The following SOS1 variants were observed in gnomAD, a reference collection of about 807,000 sequenced individuals.
SOS1 encodes son of sevenless homolog 1.
In SOS1, 25 loss-of-function variants were observed where a neutral mutation model predicts 157.6. The observed-to-expected ratio is 0.16, with a 90% CI of 0.12 to 0.22. The LOEUF is 0.22. Among genes scored for constraint, SOS1 ranks in the 10% least tolerant of loss-of-function variants. SOS1 has a pLI of 1.00. For synonymous variants in SOS1, 528 were observed against 534.0 expected, an observed-to-expected ratio of 0.99 and a Z score of 0.16; for missense variants, 1,237 against 1,599.1, an observed-to-expected ratio of 0.77 and a Z score of 3.86.
At chr2:39,055,462 G>A (rs1018361372) in intron 4 of SOS1, among the ~76,000 whole-genome samples, 3 of 151,984 alleles carry the variant, frequency 2.0e-5, no homozygotes, top group African/African-American at 2.4e-5. Context: ...TCCTCTCTGT[G>A]TAAACATGTA....
At chr2:39,091,621 C>T (rs1672600205) in intron 1 of SOS1, among the ~76,000 whole-genome samples, 1 of 151,848 alleles carries the variant, frequency 6.6e-6, no homozygotes, top group South Asian at 2.1e-4. Context: ...CTTGTCCTCA[C>T]ATCCCCCAGT....
chr2:39,112,225 C>T (rs536629621), intron 1 of SOS1, among the ~76,000 whole-genome samples: 410 of 152,276 alleles, frequency 2.7e-3, no homozygotes, highest in Non-Finnish European at 4.6e-3. Flanking sequence ...TCTTCTCTCC[C>T]GGCTTACCTG....
At chr2:38,999,242 T>TA (rs1342782823) in intron 17 of SOS1, among the ~76,000 whole-genome samples, 1 of 152,204 alleles carries the variant, frequency 6.6e-6, no homozygotes, top group Non-Finnish European at 1.5e-5. Flanking sequence ...AAGGCATACT[T>TA]AGAGATAATT....
At chr2:38,992,616 T>G (rs2124469792) in intron 20 of SOS1, 1 of 152,324 alleles carries the variant, frequency 6.6e-6, no homozygotes, top group Non-Finnish European at 1.5e-5. Context: ...TATCTCCTGT[T>G]TTTTCCACCA....
At chr2:39,081,761 G>A (rs1672208744) in intron 1 of SOS1, among the ~76,000 whole-genome samples, 1 of 151,608 alleles carries the variant, frequency 6.6e-6, no homozygotes, top group Non-Finnish European at 1.5e-5. Context: ...GGAGGCAGAG[G>A]TTGCAATTAG....
In SOS1 at chr2:39,046,899, T is replaced by C. The variant is rs142358858; in HGVS notation, c.864+4245A>G. 6.4e-3 allele frequency among the ~76,000 whole-genome samples: 971 copies of C among 152,370 alleles called. 6 individuals carry two copies. The highest frequency in any genetic ancestry group is 9.3e-3 in the Non-Finnish European group (636 of 68,028). On this transcript the variant is annotated intron_variant, in intron 6 of 22. Coordinates refer to ENST00000402219, the MANE Select transcript of SOS1 (RefSeq NM_005633.4). ...AAAGAACACCATCCAATGCATCTTA[T>C]AATGAGTGTCTACAAGTAGTAAACG...
intron 5 of SOS1, among the ~76,000 whole-genome samples, chr2:39,052,366 A>G (rs1033938853): frequency 1.8e-4 from 27 of 152,076 alleles, no homozygotes; most frequent in Admixed American, 1.0e-3. Context: ...TCTTTTGGTG[A>G]GATTTTGTGT....
intron 1 of SOS1, among the ~76,000 whole-genome samples, chr2:39,107,389 T>C (rs536887651): frequency 5.7e-4 from 87 of 152,166 alleles, no homozygotes; most frequent in Admixed American, 1.1e-3. Flanking sequence ...CACCTTTCAC[T>C]CAAAGACTTT....
At chr2:39,031,635 A>C (rs1305328947) in intron 8 of SOS1, among the ~76,000 whole-genome samples, 1 of 152,058 alleles carries the variant, frequency 6.6e-6, no homozygotes, top group Non-Finnish European at 1.5e-5. Context: ...GAAGCAGGAG[A>C]ATCACTTCAG....
upstream of SOS1, chr2:39,121,072 G>A (rs1166274991): frequency 1.3e-5 from 2 of 154,220 alleles, no homozygotes; most frequent in Non-Finnish European, 2.9e-5. Flanking sequence ...TGCCGTGCTG[G>A]GCTGGTTCGC....
chr2:39,006,950 A>G, intron 16 of SOS1, 81 bp downstream of exon 16: 1 of 932,224 alleles, frequency 1.1e-6, no homozygotes, highest in Non-Finnish European at 1.7e-6. Flanking sequence ...ACATTTAAAA[A>G]TTAAAGATAA....
Position 39,035,279 on chromosome 2 carries a change from T to C in SOS1, c.1007A>G (p.Gln336Arg), listed in dbSNP as rs765028553. The C allele has an allele frequency of 1.6e-5, 26 of 1,613,794 alleles. No individual in the cohort carries two copies. Among genetic ancestry groups the C allele is most frequent in the Non-Finnish European group, 2.1e-5 (25 of 1,179,872 alleles). Residue 336 changes from glutamine to arginine, a missense_variant, in exon 8 of 23, where the codon CAA becomes CGA. By Grantham distance (43) the Gln-to-Arg change is conservative. Transcript: ENST00000402219. ...SIGEGFKEAV[Q>R]YVLPRLLLAP... ...CAGAAGCAGCCTGGGTAAAACATAT[T>C]GAACAGCTTCTTTGAAACCTTCGCC...
Position 38,994,977 on chromosome 2 carries a change from T to C in SOS1, c.3346+146A>G, listed in dbSNP as rs938060915. ...AAGTTGGTGGAGTTTAGAATTTGTCTTATATTTTTATAATATTATCTTTTG... is the reference window on the plus strand; with the variant it reads ...AAGTTGGTGGAGTTTAGAATTTGTCCTATATTTTTATAATATTATCTTTTG... On this transcript the variant is annotated intron_variant, in intron 20 of 22. Coordinates refer to ENST00000402219, the MANE Select transcript of SOS1 (RefSeq NM_005633.4). 8 of 652,994 alleles carry C rather than the reference T, an allele frequency of 1.2e-5. No individual in the cohort carries two copies. In the Admixed American group the frequency reaches 1.4e-4, roughly 12 times the overall value. The allele number at this position is 652,994 out of a possible 1,614,324, so 40.4% of individuals were successfully genotyped here.
upstream of SOS1, among the ~76,000 whole-genome samples, chr2:39,121,583 C>G (rs112586914): frequency 5.9e-5 from 9 of 152,214 alleles, no homozygotes; most frequent in African/African-American, 1.7e-4. Flanking sequence ...TCTTTTAAAC[C>G]CACTCCAGAA....
At chr2:38,993,276 C>T (rs892215305) in intron 20 of SOS1, 1 of 152,412 alleles carries the variant, frequency 6.6e-6, no homozygotes, top group Non-Finnish European at 1.5e-5. Context: ...CCTCCCACTT[C>T]AGCCTCCCAA....
chr2:39,103,029 G>T (rs1673031351), intron 1 of SOS1, among the ~76,000 whole-genome samples: 1 of 152,048 alleles, frequency 6.6e-6, no homozygotes, highest in Non-Finnish European at 1.5e-5. Flanking sequence ...ATCTGAAAAA[G>T]AAATTAGGAA....
At chr2:39,112,591 C>G (rs1673481192) in intron 1 of SOS1, among the ~76,000 whole-genome samples, 1 of 152,134 alleles carries the variant, frequency 6.6e-6, no homozygotes, top group Non-Finnish European at 1.5e-5. Context: ...CATGAGCCAC[C>G]GCACCTGGCT....
intron 8 of SOS1, among the ~76,000 whole-genome samples, chr2:39,030,620 T>C (rs1358410362): frequency 6.6e-6 from 1 of 151,694 alleles, no homozygotes; most frequent in African/African-American, 2.4e-5. Context: ...AAAGCCAATG[T>C]AGCCAGTGTA....
At position 39,055,434 on chromosome 2, in the gene SOS1, A is replaced by ATATACT. The variant is rs1671180778; in HGVS notation, c.511-617_511-612dup. On this transcript the variant is annotated intron_variant, in intron 4 of 22. Transcript: ENST00000402219. ...CATCAACTCTGGAGCCTTGTTTTATATATACTTATCTTGCATCTCCTCTCT... is the reference window on the plus strand; with the variant it reads ...CATCAACTCTGGAGCCTTGTTTTATATATACTTATACTTATCTTGCATCTCCTCTCT... Among the ~76,000 whole-genome samples the ATATACT allele has an allele frequency of 5.3e-5, 8 of 152,182 alleles. No individual in the cohort carries two copies. The South Asian group carries it at 1.7e-3, about 32-fold the overall frequency.
Sources: allele counts gnomAD v4.1 joint callset (sites outside exome capture counted in the v4.1 genomes callset), GRCh38; gene constraint gnomAD v4.1.1; transcripts MANE v1.5; gene names NCBI Gene and HGNC (gene_info 2026-07-23, HGNC 2026-07-21).